Variants in GSK3B observed in about 807,000 individuals in gnomAD.
GSK3B encodes the protein glycogen synthase kinase 3 beta.
A neutral mutation model predicts 56.4 loss-of-function variants in GSK3B; 15 were observed. The ratio of observed to expected loss-of-function variants is 0.27; its 90% CI spans 0.18 to 0.41. GSK3B has a LOEUF of 0.41. GSK3B is among the 10% of genes least tolerant of loss of function. The pLI is 1.00. For synonymous variants in GSK3B, 181 were observed against 188.9 expected, an observed-to-expected ratio of 0.96 and a Z score of 0.34; for missense variants, 300 against 513.4, an observed-to-expected ratio of 0.58 and a Z score of 4.02.
intron 1 of GSK3B, among the ~76,000 whole-genome samples, chr3:120,039,595 C>A (rs976348214): frequency 2.0e-5 from 3 of 152,158 alleles, no homozygotes; most frequent in Non-Finnish European, 4.4e-5. Flanking sequence ...AACCACACAT[C>A]ACCCTTCGAA....
chr3:120,020,100 T>C (rs959948653), intron 1 of GSK3B, among the ~76,000 whole-genome samples: 12 of 152,232 alleles, frequency 7.9e-5, no homozygotes, highest in African/African-American at 2.9e-4. Context: ...ATTACAATTT[T>C]AACTGTTGCG....
intron 7 of GSK3B, among the ~76,000 whole-genome samples, 163 bp from the exon 8 acceptor site, chr3:119,876,671 C>T (rs1017227511): frequency 1.3e-5 from 2 of 152,142 alleles, no homozygotes; most frequent in African/African-American, 4.8e-5. Context: ...TCCCCCAAAG[C>T]TCATGTGTTG....
chr3:120,070,342 C>A (rs1316259771), intron 1 of GSK3B, among the ~76,000 whole-genome samples: 1 of 151,776 alleles, frequency 6.6e-6, no homozygotes, highest in Non-Finnish European at 1.5e-5. Flanking sequence ...GTTATTACTG[C>A]TAATAATAAC....
chr3:119,964,027 G>C (rs1343731816), intron 2 of GSK3B, among the ~76,000 whole-genome samples: 1 of 152,142 alleles, frequency 6.6e-6, no homozygotes, highest in Admixed American at 6.5e-5. Flanking sequence ...AAACTAAAAA[G>C]CTTCTACACA....
At chr3:119,857,528 A>C (rs1179738486) in intron 9 of GSK3B, among the ~76,000 whole-genome samples, 1 of 152,230 alleles carries the variant, frequency 6.6e-6, no homozygotes, top group African/African-American at 2.4e-5. Context: ...GCAGCAAATC[A>C]GTCACTTTTC....
intron 2 of GSK3B, 101 bp from the exon 3 acceptor site, chr3:119,947,452 A>G: frequency 1.4e-6 from 1 of 737,634 alleles, no homozygotes. Flanking sequence ...AAAATTAGCA[A>G]GCTATAGATA....
chr3:119,856,192 T>C (rs1249363490), intron 9 of GSK3B, among the ~76,000 whole-genome samples: 1 of 152,222 alleles, frequency 6.6e-6, no homozygotes, highest in Non-Finnish European at 1.5e-5. Context: ...TTTATTTATA[T>C]GGGGAAACTC....
chr3:120,044,635 C>T (rs1164256993), intron 1 of GSK3B, among the ~76,000 whole-genome samples: 1 of 152,196 alleles, frequency 6.6e-6, no homozygotes, highest in Non-Finnish European at 1.5e-5. Flanking sequence ...GAATCATTGC[C>T]TCCATGGGTA....
At chr3:119,976,828 T>A (rs914437691) in intron 2 of GSK3B, among the ~76,000 whole-genome samples, 1 of 148,726 alleles carries the variant, frequency 6.7e-6, no homozygotes, top group Non-Finnish European at 1.5e-5. Context: ...TAACTTTAAC[T>A]CCTGATATTC....
intron 7 of GSK3B, among the ~76,000 whole-genome samples, chr3:119,879,742 G>A (rs576554819): frequency 7.2e-5 from 11 of 152,086 alleles, no homozygotes; most frequent in Non-Finnish European, 1.3e-4. Context: ...GAGAATATGC[G>A]AAGTTTGTCT....
At position 119,861,554 on chromosome 3, in the gene GSK3B, C is replaced by A. The variant is rs945154730; in HGVS notation, c.1096+1865G>T. Among the ~76,000 whole-genome samples, 50 of 149,962 alleles carry A rather than the reference C, an allele frequency of 3.3e-4. No individual in the cohort carries two copies. The South Asian group carries it at 3.6e-3, about 11-fold the overall frequency. ...ACAAACAAACAAACAAACAAAAAAACCAAAAAACAACAACAAAAAAACCCC... is the reference window on the plus strand; with the variant it reads ...ACAAACAAACAAACAAACAAAAAAAACAAAAAACAACAACAAAAAAACCCC... On this transcript the variant is annotated intron_variant, in intron 9 of 10. Transcript: ENST00000264235.
intron 1 of GSK3B, among the ~76,000 whole-genome samples, chr3:120,082,639 C>T (rs1576317129): frequency 6.6e-6 from 1 of 151,852 alleles, no homozygotes; most frequent in South Asian, 2.1e-4. Context: ...CGTGATCCAC[C>T]CGCCTCGGTC....
chr3:119,865,456 ATATATATATATTTTTTTT>A (rs1460669215), intron 8 of GSK3B, among the ~76,000 whole-genome samples: 2 of 20,736 alleles, frequency 9.6e-5, no homozygotes, highest in African/African-American at 2.0e-4. Context: ...ATATATATAT[ATATATATATATTTTTTTT>A]TTTTTTTTTT....
At chr3:119,853,718 T>C (rs1402732171) in intron 9 of GSK3B, among the ~76,000 whole-genome samples, 1 of 152,196 alleles carries the variant, frequency 6.6e-6, no homozygotes, top group Non-Finnish European at 1.5e-5. Context: ...TTTGGCTCTC[T>C]GTTTGTCTGT....
intron 7 of GSK3B, among the ~76,000 whole-genome samples, chr3:119,892,339 G>A (rs77112946): frequency 0.026 from 3,938 of 152,138 alleles, 175 homozygotes; most frequent in African/African-American, 0.089. Flanking sequence ...AACCTTAAGC[G>A]ACAACCATAA....
chr3:119,878,672 TA>T (rs1178045666), intron 7 of GSK3B, among the ~76,000 whole-genome samples: 1 of 152,196 alleles, frequency 6.6e-6, no homozygotes, highest in East Asian at 1.9e-4. Flanking sequence ...ATGCATAGCA[TA>T]TTTTTTTTAA....
chr3:120,074,932 A>G (rs1559902268), intron 1 of GSK3B, among the ~76,000 whole-genome samples: 2 of 152,204 alleles, frequency 1.3e-5, no homozygotes, highest in African/African-American at 2.4e-5. Flanking sequence ...CTAGACAAAA[A>G]CATTACAAGA....
At chr3:119,915,140 G>C (rs2056768396) in intron 5 of GSK3B, among the ~76,000 whole-genome samples, 4 of 151,904 alleles carry the variant, frequency 2.6e-5, no homozygotes, top group Admixed American at 2.6e-4. Context: ...AAAGAATAAA[G>C]TTGTATTACA....
intron 2 of GSK3B, among the ~76,000 whole-genome samples, chr3:119,963,175 C>T (rs930181885): frequency 2.0e-5 from 3 of 152,076 alleles, no homozygotes; most frequent in Admixed American, 6.5e-5. Flanking sequence ...AATTATAAAA[C>T]GCTAATGAAA....
Sources: allele counts gnomAD v4.1 joint callset (sites outside exome capture counted in the v4.1 genomes callset), GRCh38; gene constraint gnomAD v4.1.1; transcripts MANE v1.5; gene names NCBI Gene and HGNC (gene_info 2026-07-23, HGNC 2026-07-21).